The following SLC4A4 variants were observed in gnomAD, a reference collection of about 807,000 sequenced individuals.
The protein encoded by SLC4A4 is solute carrier family 4 member 4, also known as electrogenic sodium bicarbonate cotransporter 1.
SLC4A4 carries 27 observed loss-of-function variants against 111.5 expected under a neutral mutation model. The observed-to-expected ratio is 0.24, with a 90% CI of 0.18 to 0.33. The LOEUF (loss-of-function observed/expected upper bound fraction) is 0.33. Ranked by LOEUF, SLC4A4 falls within the 10% of genes least tolerant of loss-of-function variation. The probability of loss-of-function intolerance (pLI) is 1.00; values close to 1 mark genes in which losing one functional copy is unlikely to be tolerated. For missense variants in SLC4A4, 909 were observed against 1,315.5 expected (o/e 0.69, Z 4.78); for synonymous variants, 443 against 463.4 (o/e 0.96, Z 0.57).
intron 16 of SLC4A4, among the ~76,000 whole-genome samples, chr4:71,531,304 G>C (rs991926816): frequency 2.0e-5 from 3 of 152,110 alleles, no homozygotes; most frequent in African/African-American, 7.2e-5. Flanking sequence ...CCCAGACCTT[G>C]TCCTGACCAG....
intron 1 of SLC4A4, chr4:71,236,111 ATG>A (rs1461498957): frequency 1.2e-4 from 125 of 1,014,898 alleles, no homozygotes; most frequent in East Asian, 3.7e-4. Flanking sequence ...GTGGGTGTGC[ATG>A]TGTGTGTGTG....
chr4:71,457,291 G>C (rs1726361857), intron 12 of SLC4A4, among the ~76,000 whole-genome samples: 1 of 152,190 alleles, frequency 6.6e-6, no homozygotes, highest in Non-Finnish European at 1.5e-5. Context: ...GTGACTCTAA[G>C]TACAATCATA....
At chr4:71,291,659 A>G (rs1037332998) in intron 3 of SLC4A4, among the ~76,000 whole-genome samples, 1 of 152,206 alleles carries the variant, frequency 6.6e-6, no homozygotes, top group Admixed American at 6.5e-5. Context: ...ACTGTAAAAT[A>G]GTATTGCCCT....
At chr4:71,207,301 C>T (rs1225227623) in intron 1 of SLC4A4, among the ~76,000 whole-genome samples, 1 of 152,176 alleles carries the variant, frequency 6.6e-6, no homozygotes, top group Non-Finnish European at 1.5e-5. Flanking sequence ...GGAAATGTTT[C>T]ATCTGCTTTA....
chr4:71,158,708 C>A (rs1744542305), intron 2 of SLC4A4, among the ~76,000 whole-genome samples: 2 of 152,172 alleles, frequency 1.3e-5, no homozygotes, highest in African/African-American at 4.8e-5. Flanking sequence ...TCCCATCAGA[C>A]TGGTTTCTGG....
chr4:71,101,666 C>A (rs539123540), intron 2 of SLC4A4, among the ~76,000 whole-genome samples: 1 of 152,164 alleles, frequency 6.6e-6, no homozygotes, highest in East Asian at 1.9e-4. Context: ...GGCACACTGA[C>A]ATCTCACATG....
At chr4:71,563,951 CT>C in intron 24 of SLC4A4, 62 bp downstream of exon 24, 1 of 1,059,258 alleles carries the variant, frequency 9.4e-7, no homozygotes, top group Non-Finnish European at 1.5e-6. Context: ...AGAGAAAACA[CT>C]TTAGAATGGC....
At chr4:71,180,913 C>T (rs1262719670) in intron 2 of SLC4A4, among the ~76,000 whole-genome samples, 1 of 152,084 alleles carries the variant, frequency 6.6e-6, no homozygotes, top group Non-Finnish European at 1.5e-5. Context: ...GACACATGCA[C>T]ACGTATGTTT....
intron 4 of SLC4A4, 60 bp downstream of exon 4, chr4:71,339,565 CT>C: frequency 6.4e-7 from 1 of 1,559,674 alleles, no homozygotes. Context: ...GGGCAAGATG[CT>C]TGATCCTGGA....
At chr4:71,499,109 A>G (rs1730678051) in intron 16 of SLC4A4, among the ~76,000 whole-genome samples, 1 of 151,818 alleles carries the variant, frequency 6.6e-6, no homozygotes. Flanking sequence ...CCTTCTTAAT[A>G]AGTAATTTAT....
At chr4:71,474,757 A>T (rs1206580858) in intron 14 of SLC4A4, among the ~76,000 whole-genome samples, 1 of 151,920 alleles carries the variant, frequency 6.6e-6, no homozygotes, top group Non-Finnish European at 1.5e-5. Context: ...ATTCAAACTA[A>T]TAAGAATGCC....
chr4:71,385,846 A>T (rs1197394577), intron 6 of SLC4A4, among the ~76,000 whole-genome samples: 1 of 152,024 alleles, frequency 6.6e-6, no homozygotes, highest in South Asian at 2.1e-4. Flanking sequence ...TACGAGACTG[A>T]TTGCTTTCCA....
intron 1 of SLC4A4, among the ~76,000 whole-genome samples, chr4:71,198,644 G>A (rs1051342299): frequency 2.6e-5 from 4 of 152,014 alleles, no homozygotes; most frequent in African/African-American, 9.7e-5. Flanking sequence ...CCAAATCCAA[G>A]AATATCAGAA....
At chr4:71,409,500 T>C (rs1305964924) in intron 7 of SLC4A4, among the ~76,000 whole-genome samples, 1 of 152,184 alleles carries the variant, frequency 6.6e-6, no homozygotes, top group Non-Finnish European at 1.5e-5. Context: ...AACTTTGAAC[T>C]TGAGAGAGGT....
intron 13 of SLC4A4, among the ~76,000 whole-genome samples, chr4:71,472,287 T>A (rs1304023610): frequency 6.6e-6 from 1 of 151,880 alleles, no homozygotes. Context: ...CGTGATGACA[T>A]AGGGACAGAA....
At chr4:71,156,586 G>GCGCGCGCGCGCA (rs1403189255) in intron 2 of SLC4A4, among the ~76,000 whole-genome samples, 1 of 108,386 alleles carries the variant, frequency 9.2e-6, no homozygotes, top group African/African-American at 3.7e-5. Context: ...GCGCGCGCGC[G>GCGCGCGCGCGCA]CGCACACACA....
chr4:71,349,625 C>T (rs2148902058), intron 4 of SLC4A4, among the ~76,000 whole-genome samples: 1 of 152,256 alleles, frequency 6.6e-6, no homozygotes, highest in South Asian at 2.1e-4. Flanking sequence ...AATAATTGGT[C>T]TTAAGGATCT....
At chr4:71,400,768 A>G (rs1408766083) in intron 7 of SLC4A4, among the ~76,000 whole-genome samples, 1 of 152,212 alleles carries the variant, frequency 6.6e-6, no homozygotes, top group African/African-American at 2.4e-5. Context: ...TTTTAGGGCA[A>G]GAAAAAGGAA....
At chr4:71,222,588 G>A (rs1372648509) in intron 1 of SLC4A4, among the ~76,000 whole-genome samples, 1 of 152,178 alleles carries the variant, frequency 6.6e-6, no homozygotes, top group Admixed American at 6.5e-5. Context: ...AAATGAATGA[G>A]TAAATGAATT....
Sources: gnomAD v4.1 joint callset for allele counts (sites outside exome capture counted in the v4.1 genomes callset) on GRCh38, gnomAD v4.1.1 for gene constraint, MANE v1.5 for transcripts, NCBI Gene and HGNC (gene_info 2026-07-23, HGNC 2026-07-21) for gene names.